RANBP2: variants seen among roughly 807,000 people sequenced by gnomAD.
The protein encoded by RANBP2 is RAN binding protein 2.
A neutral mutation model predicts 303.6 loss-of-function variants in RANBP2; 57 were observed. The observed-to-expected ratio is 0.19, with a 90% confidence interval of 0.15 to 0.23. RANBP2 has a LOEUF of 0.23. RANBP2 is among the 10% of genes least tolerant of loss of function. RANBP2 has a pLI of 1.00. For synonymous variants in RANBP2, 1,167 were observed against 1,301.5 expected, an observed-to-expected ratio of 0.90 and a Z score of 2.23; for missense variants, 3,138 against 3,780.8, an observed-to-expected ratio of 0.83 and a Z score of 4.46.
the RANBP2 span, among the ~76,000 whole-genome samples, chr2:108,840,732 T>G: frequency 6.6e-6 from 1 of 152,288 alleles, no homozygotes; most frequent in South Asian, 2.1e-4. Context: ...TTGCTAGAAG[T>G]TTCTCTGTTT....
At chr2:108,973,272 G>A in the RANBP2 span, among the ~76,000 whole-genome samples, 1 of 152,160 alleles carries the variant, frequency 6.6e-6, no homozygotes, top group Non-Finnish European at 1.5e-5. Flanking sequence ...ACAGGCATGA[G>A]CCACCGCACC....
At chr2:109,433,222 T>C in the RANBP2 span, among the ~76,000 whole-genome samples, 1 of 152,264 alleles carries the variant, frequency 6.6e-6, no homozygotes, top group Non-Finnish European at 1.5e-5. Context: ...TGTCATCATA[T>C]ATAGACGTGT....
chr2:108,953,781 C>T, the RANBP2 span, among the ~76,000 whole-genome samples: 1 of 152,116 alleles, frequency 6.6e-6, no homozygotes, highest in East Asian at 1.9e-4. Flanking sequence ...GTGGAGAGGC[C>T]AGTTAGGCAG....
the RANBP2 span, among the ~76,000 whole-genome samples, chr2:108,829,124 A>G: frequency 1.3e-5 from 2 of 152,226 alleles, no homozygotes; most frequent in Non-Finnish European, 2.9e-5. Flanking sequence ...AGCACAAGCA[A>G]TAAAAGCAAA....
At chr2:109,415,703 C>T in the RANBP2 span, among the ~76,000 whole-genome samples, 4 of 152,136 alleles carry the variant, frequency 2.6e-5, no homozygotes, top group African/African-American at 9.7e-5. Context: ...GTCCTCATCC[C>T]GTGGGGATAC....
In RANBP2 at chr2:108,744,395, G is replaced by A. The variant is rs544352163; in HGVS notation, c.976-2316G>A. Among the ~76,000 whole-genome samples, 123 of 142,450 alleles carry A rather than the reference G, an allele frequency of 8.6e-4. 1 individual carries two copies. Among genetic ancestry groups the A allele is most frequent in the Middle Eastern group, 3.5e-3 (1 of 288 alleles). 93.5% of individuals were successfully genotyped at this position (142,450 alleles called of 152,430 possible). A position where few individuals can be genotyped will look rare whatever the true frequency, so the allele number is the denominator to read the frequency against. The stretch of plus-strand genomic sequence containing the variant: ...GCACTGCAGCCTGGCGACAGAGCGA[G>A]ACTCCATCTCAAAAAAAAAAAAAGG... On this transcript the variant is annotated intron_variant, in intron 7 of 28. Coordinates refer to ENST00000283195, the MANE Select transcript of RANBP2 (RefSeq NM_006267.5).
the RANBP2 span, among the ~76,000 whole-genome samples, chr2:109,412,098 C>T: frequency 2.5e-3 from 375 of 152,344 alleles, 2 homozygotes; most frequent in African/African-American, 8.2e-3. Flanking sequence ...TTACGTTGGA[C>T]TCACGCAGGG....
At chr2:109,722,524 G>C in the RANBP2 span, among the ~76,000 whole-genome samples, 1 of 152,208 alleles carries the variant, frequency 6.6e-6, no homozygotes, top group Non-Finnish European at 1.5e-5. Flanking sequence ...AGGATGTGCA[G>C]GTTTGTTACA....
At chr2:109,720,168 A>G in the RANBP2 span, among the ~76,000 whole-genome samples, 1 of 152,152 alleles carries the variant, frequency 6.6e-6, no homozygotes, top group East Asian at 1.9e-4. Context: ...GGAGACCAGT[A>G]TGAAATACTG....
At chr2:109,133,344 T>G in the RANBP2 span, among the ~76,000 whole-genome samples, 1 of 152,254 alleles carries the variant, frequency 6.6e-6, no homozygotes. Flanking sequence ...CTTCTGTGTC[T>G]CTTTGACAAT....
At chr2:109,437,003 T>G in the RANBP2 span, 1 of 1,613,874 alleles carries the variant, frequency 6.2e-7, no homozygotes, top group African/African-American at 1.3e-5. Flanking sequence ...CTGAGCAGCC[T>G]GGCCACTGCC....
intron 23 of RANBP2, among the ~76,000 whole-genome samples, chr2:108,774,654 T>G (rs1677749520): frequency 6.6e-6 from 1 of 152,062 alleles, no homozygotes; most frequent in African/African-American, 2.4e-5. Context: ...TTGATTTCTC[T>G]TCTTTATTAT....
chr2:108,752,031 A>G (rs779207582), intron 12 of RANBP2, 37 bp downstream of exon 12: 2 of 1,604,494 alleles, frequency 1.2e-6, no homozygotes, highest in Non-Finnish European at 1.7e-6. Flanking sequence ...AAAGAACATT[A>G]CCTTAATTTT....
chr2:108,720,940 C>T lies in RANBP2; in HGVS notation c.72+1262C>T, dbSNP rs372503828. Among the ~76,000 whole-genome samples the T allele has an allele frequency of 1.7e-3, 263 of 151,990 alleles. 10 individuals are homozygous for T. In the South Asian group the frequency reaches 0.054, roughly 31 times the overall value. ...GGCGCATGCCTGTAGTCCCAGCTAC[C>T]CGGGAGGCTGAGGCAGGAGAGTCGC... is the stretch of plus-strand genomic sequence containing the variant. On this transcript the variant is annotated intron_variant, in intron 1 of 28. Transcript: ENST00000283195.
chr2:109,260,302 C>G, the RANBP2 span, among the ~76,000 whole-genome samples: 1,133 of 152,284 alleles, frequency 7.4e-3, 20 homozygotes, highest in African/African-American at 0.026. Flanking sequence ...ACTGCTGATC[C>G]CAAGTGCTAG....
At chr2:109,203,615 C>T in the RANBP2 span, among the ~76,000 whole-genome samples, 12 of 152,244 alleles carry the variant, frequency 7.9e-5, 1 homozygote, top group Middle Eastern at 3.4e-3. Flanking sequence ...TCCCTTTGCA[C>T]GACAAGCATC....
chr2:109,196,549 G>A, the RANBP2 span, among the ~76,000 whole-genome samples: 110 of 152,216 alleles, frequency 7.2e-4, no homozygotes, highest in Non-Finnish European at 1.0e-3. Context: ...AGGTCCGTGG[G>A]TTTGTCGTCC....
the RANBP2 span, among the ~76,000 whole-genome samples, chr2:108,811,380 G>T: frequency 6.6e-6 from 1 of 151,228 alleles, no homozygotes. Context: ...TAGTAGCTGG[G>T]ACTGCAGGCA....
At chr2:109,342,107 A>G in the RANBP2 span, among the ~76,000 whole-genome samples, 87 of 152,338 alleles carry the variant, frequency 5.7e-4, no homozygotes, top group African/African-American at 1.9e-3. Context: ...TGGAGACTGC[A>G]GGTGGGCAGA....
Sources: gnomAD v4.1 joint callset for allele counts (sites outside exome capture counted in the v4.1 genomes callset) on GRCh38, gnomAD v4.1.1 for gene constraint, MANE v1.5 for transcripts, NCBI Gene and HGNC (gene_info 2026-07-23, HGNC 2026-07-21) for gene names.